The following SORCS2 variants were observed in gnomAD, a reference collection of about 807,000 sequenced individuals.
SORCS2 encodes the protein sortilin related VPS10 domain containing receptor 2.
A neutral mutation model predicts 141.6 loss-of-function variants in SORCS2; 100 were observed. The ratio of observed to expected loss-of-function variants is 0.71; its 90% confidence interval spans 0.60 to 0.83. The LOEUF (loss-of-function observed/expected upper bound fraction) is 0.83, where lower values mean the gene tolerates loss of function less well. SORCS2 is among the 40% of genes least tolerant of loss of function. The probability of loss-of-function intolerance (pLI) is 0.00; values close to 1 mark genes in which losing one functional copy is unlikely to be tolerated. For synonymous variants in SORCS2, 789 were observed against 676.9 expected (o/e 1.17, Z -2.57); for missense variants, 1,646 against 1,560.2 (o/e 1.05, Z -0.93).
At chr4:7,533,305 C>T (rs1711821204) in intron 3 of SORCS2, among the ~76,000 whole-genome samples, 1 of 152,146 alleles carries the variant, frequency 6.6e-6, no homozygotes, top group Admixed American at 6.5e-5. Flanking sequence ...GCCTTCCAGC[C>T]CGACCATCAC....
intron 3 of SORCS2, among the ~76,000 whole-genome samples, chr4:7,562,243 C>T (rs1301188261): frequency 6.6e-6 from 1 of 152,098 alleles, no homozygotes; most frequent in African/African-American, 2.4e-5. Context: ...GTGCTCGACC[C>T]AGGCTGTGGG....
intron 4 of SORCS2, among the ~76,000 whole-genome samples, chr4:7,639,722 AGTGGGT>A (rs1362940119): frequency 7.2e-6 from 1 of 139,734 alleles, no homozygotes; most frequent in Non-Finnish European, 1.6e-5. Flanking sequence ...TTCACCTGTG[AGTGGGT>A]GTGGGTGTGA....
At chr4:7,339,472 G>A (rs1275030625) in intron 1 of SORCS2, among the ~76,000 whole-genome samples, 1 of 152,188 alleles carries the variant, frequency 6.6e-6, no homozygotes, top group Non-Finnish European at 1.5e-5. Flanking sequence ...CAGCTGGGTG[G>A]GGGCAACTGT....
Position 7,663,737 on chromosome 4 carries a change from A to AGAGGAGGAG in SORCS2, c.953-608_953-600dup, listed in dbSNP as rs563372484. Among the ~76,000 whole-genome samples the AGAGGAGGAG allele has an allele frequency of 6.6e-6, 1 of 152,074 alleles. No homozygotes were observed. Among genetic ancestry groups the AGAGGAGGAG allele is most frequent in the Non-Finnish European group, 1.5e-5 (1 of 67,990 alleles). On this transcript the variant is annotated intron_variant, in intron 6 of 26. Coordinates refer to ENST00000507866, the MANE Select transcript of SORCS2 (RefSeq NM_020777.3). This position sits in a 1 kb window ranked among gnomAD's most constrained non-coding sequence, Gnocchi z 4.8. The stretch of plus-strand genomic sequence containing the variant: ...AGGAGGAGGAAAAGGAAGAGGAGGA[A>AGAGGAGGAG]GAGGAGGAGGAGGAGGCACCCTTCC...
intron 2 of SORCS2, among the ~76,000 whole-genome samples, chr4:7,454,081 G>A (rs1245312049): frequency 7.7e-6 from 1 of 129,098 alleles, no homozygotes; most frequent in Non-Finnish European, 1.6e-5. Context: ...TTGGGGTCAG[G>A]TGCTGTGTGT....
intron 1 of SORCS2, among the ~76,000 whole-genome samples, chr4:7,235,498 T>C (rs1252255601): frequency 6.7e-6 from 1 of 149,644 alleles, no homozygotes; most frequent in Non-Finnish European, 1.5e-5. Context: ...GACTGTAGGC[T>C]ACCCAGGTTT....
chr4:7,241,411 T>G (rs766164940), intron 1 of SORCS2, among the ~76,000 whole-genome samples: 12 of 152,186 alleles, frequency 7.9e-5, no homozygotes, highest in Non-Finnish European at 1.2e-4. Flanking sequence ...ACGCTCCCAG[T>G]GGCCCTATAG....
chr4:7,741,102 C>G lies in SORCS2; in HGVS notation c.*838C>G, dbSNP rs552355483. 1 of 398,728 alleles carries G rather than the reference C, an allele frequency of 2.5e-6. No individual in the cohort carries two copies. Among genetic ancestry groups the G allele is most frequent in the African/African-American group, 2.1e-5 (1 of 48,738 alleles). 24.7% of individuals were successfully genotyped at this position (398,728 alleles called of 1,614,324 possible). A position where few individuals can be genotyped will look rare whatever the true frequency, so the allele number is the denominator to read the frequency against. On this transcript the variant is annotated 3_prime_UTR_variant, in exon 27 of 27. Transcript: ENST00000507866. ...GCTTCTCCCACCTGATGGCTGTTCT[C>G]CCACCGGGTCTGGGCTCTGGAAGGA... is the stretch of plus-strand genomic sequence containing the variant.
chr4:7,308,336 T>C (rs1577381287), intron 1 of SORCS2, among the ~76,000 whole-genome samples: 1 of 151,946 alleles, frequency 6.6e-6, no homozygotes, highest in Non-Finnish European at 1.5e-5. Context: ...GCTGGCTACC[T>C]TGGGCTTTGT....
At chr4:7,587,182 T>C (rs1293925428) in intron 3 of SORCS2, among the ~76,000 whole-genome samples, 2 of 151,900 alleles carry the variant, frequency 1.3e-5, no homozygotes, top group Non-Finnish European at 1.5e-5. Context: ...AGTTGTCTGA[T>C]GTGGAGTTTC....
At chr4:7,369,694 A>G (rs1392974358) in intron 1 of SORCS2, among the ~76,000 whole-genome samples, 1 of 152,148 alleles carries the variant, frequency 6.6e-6, no homozygotes, top group African/African-American at 2.4e-5. Flanking sequence ...TTAGTCCTGG[A>G]GGTCCTGGCC....
chr4:7,560,889 G>A (rs1187394501), intron 3 of SORCS2, among the ~76,000 whole-genome samples: 8 of 152,206 alleles, frequency 5.3e-5, no homozygotes. Context: ...GGGTGCAAAT[G>A]TAGCCTTGGG....
intron 1 of SORCS2, among the ~76,000 whole-genome samples, chr4:7,364,926 G>A (rs919889936): frequency 6.6e-6 from 1 of 152,228 alleles, no homozygotes; most frequent in Non-Finnish European, 1.5e-5. Flanking sequence ...TCAGGACCTG[G>A]CTCTGCCACA....
chr4:7,726,995 T>C (rs1577127622), intron 21 of SORCS2, 92 bp downstream of exon 21: 2 of 1,417,510 alleles, frequency 1.4e-6, no homozygotes, highest in East Asian at 5.2e-5. Context: ...GCCATGGATG[T>C]CCTGGTCACC....
intron 2 of SORCS2, among the ~76,000 whole-genome samples, chr4:7,422,375 C>T (rs968228923): frequency 6.6e-6 from 1 of 152,208 alleles, no homozygotes; most frequent in Non-Finnish European, 1.5e-5. Context: ...CTGCCCGCTT[C>T]TACAGCCTGG....
intron 17 of SORCS2, among the ~76,000 whole-genome samples, chr4:7,717,510 C>T (rs1726272280): frequency 6.6e-6 from 1 of 152,200 alleles, no homozygotes; most frequent in Admixed American, 6.5e-5. Context: ...AGTCACGAAT[C>T]GCCCAATCCA....
intron 1 of SORCS2, among the ~76,000 whole-genome samples, chr4:7,227,646 C>T (rs1729066475): frequency 1.3e-5 from 2 of 152,118 alleles, no homozygotes; most frequent in African/African-American, 4.8e-5. Flanking sequence ...GCCCCATTGC[C>T]AGGGAGTCGT....
chr4:7,257,237 A>T (rs1292191950), intron 1 of SORCS2, among the ~76,000 whole-genome samples: 4 of 152,002 alleles, frequency 2.6e-5, no homozygotes, highest in Non-Finnish European at 5.9e-5. Context: ...AGCAGGACGG[A>T]TCGGCGGTGA....
chr4:7,511,169 G>A (rs149934643), intron 2 of SORCS2, among the ~76,000 whole-genome samples: 109 of 152,182 alleles, frequency 7.2e-4, no homozygotes, highest in African/African-American at 2.4e-3. Context: ...CTACATCCAC[G>A]CAGAGCCCTC....
Sources: allele counts gnomAD v4.1 joint callset (sites outside exome capture counted in the v4.1 genomes callset), GRCh38; gene constraint gnomAD v4.1.1; non-coding constraint Gnocchi (gnomAD v3.1); transcripts MANE v1.5; gene names NCBI Gene and HGNC (gene_info 2026-07-23, HGNC 2026-07-21).